CRMP1: variants seen among roughly 807,000 people sequenced by gnomAD.
The protein encoded by CRMP1 is collapsin response mediator protein 1.
Under a neutral mutation model 68.3 loss-of-function variants are expected in CRMP1, and 19 were observed. The observed-to-expected ratio is 0.28, with a 90% CI of 0.19 to 0.41. CRMP1 has a LOEUF of 0.41. CRMP1 is among the 10% of genes least tolerant of loss of function. The pLI is 1.00. For missense variants in CRMP1, 791 were observed against 967.4 expected, an observed-to-expected ratio of 0.82 and a Z score of 2.42; for synonymous variants, 439 against 399.6, an observed-to-expected ratio of 1.10 and a Z score of -1.18.
At chr4:5,868,273 A>ATATATC (rs1434577566) in intron 1 of CRMP1, among the ~76,000 whole-genome samples, 24 of 36,794 alleles carry the variant, frequency 6.5e-4, no homozygotes, top group African/African-American at 2.2e-3. Context: ...ATATATATAT[A>ATATATC]TATATATATA....
chr4:5,876,231 A>C (rs1714822072), intron 1 of CRMP1, among the ~76,000 whole-genome samples: 1 of 151,952 alleles, frequency 6.6e-6, no homozygotes, highest in African/African-American at 2.4e-5. Flanking sequence ...TATGTTTCCG[A>C]GTGGACATAG....
intron 1 of CRMP1, among the ~76,000 whole-genome samples, chr4:5,880,783 C>T (rs978754400): frequency 6.6e-6 from 1 of 152,196 alleles, no homozygotes; most frequent in Non-Finnish European, 1.5e-5. Flanking sequence ...ATGTTAAATC[C>T]ACAGACAGTG....
intron 8 of CRMP1, 148 bp from the exon 9 acceptor site, chr4:5,839,826 G>C: frequency 1.1e-6 from 1 of 950,838 alleles, no homozygotes; most frequent in Non-Finnish European, 1.5e-6. Context: ...ATCACCGCCT[G>C]CACCGCAGGG....
In CRMP1 at chr4:5,851,574, G is replaced by A. The variant is rs1712621901; in HGVS notation, c.821-105C>T. 6.2e-6 allele frequency: 7 copies of A among 1,137,922 alleles called. No homozygotes were observed. In the South Asian group the frequency reaches 7.6e-5, roughly 12 times the overall value. 70.5% of individuals were successfully genotyped at this position (1,137,922 alleles called of 1,614,324 possible). A position where few individuals can be genotyped will look rare whatever the true frequency, so the allele number is the denominator to read the frequency against. On this transcript the variant is annotated intron_variant, in intron 4 of 13. Transcript: ENST00000324989. Reference sequence around the variant, plus strand: ...GAGCAGAGTGGTAGTCGCCAGGAGAGATGAGTGCCATTGGGATCCCCAGTG... The same window carrying A: ...GAGCAGAGTGGTAGTCGCCAGGAGAAATGAGTGCCATTGGGATCCCCAGTG...
rs117280229 is a variant in CRMP1, at chr4:5,874,379, T to C, written c.382-7623A>G. Among the ~76,000 whole-genome samples, 72 of 152,336 alleles carry C rather than the reference T, an allele frequency of 4.7e-4. 1 individual carries two copies. Among genetic ancestry groups the C allele is most frequent in the African/African-American group, 1.6e-3 (65 of 41,584 alleles). ...TCAAAATGAAGTGGATCTGGAGTCA[T>C]TGGCTTCCCCTACGGAGACTTTGGG... On this transcript the variant is annotated intron_variant, in intron 1 of 13. Coordinates refer to ENST00000324989, the MANE Select transcript of CRMP1 (RefSeq NM_001014809.3).
rs1720910051 is a variant in CRMP1, at chr4:5,838,984, TG to T, written c.1310+537del. Among the ~76,000 whole-genome samples the T allele has an allele frequency of 6.6e-6, 1 of 152,148 alleles. No individual in the cohort carries two copies. The highest frequency in any genetic ancestry group is 1.5e-5 in the Non-Finnish European group (1 of 68,030). On this transcript the variant is annotated intron_variant, in intron 9 of 13. Coordinates refer to ENST00000324989, the MANE Select transcript of CRMP1 (RefSeq NM_001014809.3). This position sits in a 1 kb window ranked among gnomAD's most constrained non-coding sequence, Gnocchi z 4.9. ...ATTGCTAAGTGCTCTTCCCTCCTGG[TG>T]GCTAACAGAAGGGAAGGGGCTGAGG...
rs761254075 is a variant in CRMP1 at position 5,841,271 on chromosome 4, C to A, written c.1153+37G>T. ...CCTGCAGGACACCCCCTTCCAGGCC[C>A]CAGCTGCCCCCAGAAGGCCCAGGGC... On this transcript the variant is annotated intron_variant, in intron 8 of 13. Transcript: ENST00000324989. This position sits in a 1 kb window ranked among gnomAD's most constrained non-coding sequence, Gnocchi z 6.9. 2 of 1,613,648 alleles carry A rather than the reference C, an allele frequency of 1.2e-6. No individual in the cohort carries two copies. The highest frequency in any genetic ancestry group is 2.2e-5 in the East Asian group (1 of 44,846).
In CRMP1 at chr4:5,853,151, G is replaced by A. The variant is rs188419566; in HGVS notation, c.821-1682C>T. Among the ~76,000 whole-genome samples the A allele has an allele frequency of 1.4e-4, 22 of 152,330 alleles. No homozygotes were observed. The East Asian group carries it at 1.5e-3, about 11-fold the overall frequency. ...AACACAGGTGGGAGCAGTGGCTCAC[G>A]CCTGTAATCCCAGCAATTTGGGAGG... is the stretch of plus-strand genomic sequence containing the variant. On this transcript the variant is annotated intron_variant, in intron 4 of 13. Transcript: ENST00000324989. The surrounding 1 kb of genome is among the most constrained non-coding windows in gnomAD (Gnocchi z 4.7).
chr4:5,825,077 A>T lies in CRMP1; in HGVS notation c.1969+417T>A. ...AAAATCATGGGTTATGAAAGTGCTTAGTACACTGCAGTGGGTGAACAGGCT... is the reference window on the plus strand; with the variant it reads ...AAAATCATGGGTTATGAAAGTGCTTTGTACACTGCAGTGGGTGAACAGGCT... On this transcript the variant is annotated intron_variant, in intron 13 of 13. Coordinates refer to ENST00000324989, the MANE Select transcript of CRMP1 (RefSeq NM_001014809.3). The surrounding 1 kb of genome is among the most constrained non-coding windows in gnomAD (Gnocchi z 4.4). 1.0e-6 allele frequency: 1 copy of T among 985,428 alleles called. No individual in the cohort carries two copies. 61.0% of individuals were successfully genotyped at this position (985,428 alleles called of 1,614,324 possible).
intron 1 of CRMP1, among the ~76,000 whole-genome samples, chr4:5,871,943 C>T (rs1382782414): frequency 2.0e-5 from 3 of 152,166 alleles, no homozygotes; most frequent in Admixed American, 6.5e-5. Context: ...AGGTCTGATC[C>T]CACCTCGCAG....
rs1255905668 is a variant in CRMP1 at position 5,890,564 on chromosome 4, C to A, written c.381+2025G>T. On this transcript the variant is annotated intron_variant, in intron 1 of 13. Coordinates refer to ENST00000324989, the MANE Select transcript of CRMP1 (RefSeq NM_001014809.3). This position sits in a 1 kb window ranked among gnomAD's most constrained non-coding sequence, Gnocchi z 5.5. ...ACCCTCCCTCCGTGGAGATCGCGAG[C>A]CCCTGAGTTCCACAGTCGCGAAGCT... Among the ~76,000 whole-genome samples the A allele has an allele frequency of 2.0e-5, 3 of 151,622 alleles. No individual in the cohort carries two copies. The highest frequency in any genetic ancestry group is 7.3e-5 in the African/African-American group (3 of 41,272).
At position 5,860,797 on chromosome 4, in the gene CRMP1, A is replaced by T. The variant is rs1713494232; in HGVS notation, c.655+229T>A. On this transcript the variant is annotated intron_variant, in intron 3 of 13. Coordinates refer to ENST00000324989, the MANE Select transcript of CRMP1 (RefSeq NM_001014809.3). This position sits in a 1 kb window ranked among gnomAD's most constrained non-coding sequence, Gnocchi z 4.2. ...TCAATATTTTAAAAATAATTTTTTA[A>T]AATTGGTACCTATAAAACCGTATTG... is the stretch of plus-strand genomic sequence containing the variant. Among the ~76,000 whole-genome samples the T allele has an allele frequency of 6.6e-6, 1 of 152,298 alleles. No individual in the cohort carries two copies. The highest frequency in any genetic ancestry group is 3.4e-3 in the Middle Eastern group (1 of 294).
rs1718655414 is a variant in CRMP1, at chr4:5,821,945, G to A, written c.1970-94C>T. 7.3e-6 allele frequency: 7 copies of A among 964,114 alleles called. No individual in the cohort carries two copies. The highest frequency in any genetic ancestry group is 1.8e-5 in the South Asian group (1 of 57,128). The allele number at this position is 964,114 out of a possible 1,614,324, so 59.7% of individuals were successfully genotyped here. ...CATGTACTCTGCCATGCACTCCACT[G>A]GACCCACCTTCATTCAGGGCTCAGT... On this transcript the variant is annotated intron_variant, in intron 13 of 13. Transcript: ENST00000324989. This position sits in a 1 kb window ranked among gnomAD's most constrained non-coding sequence, Gnocchi z 4.4.
rs1577831502 is a variant in CRMP1 at position 5,872,334 on chromosome 4, G to C, written c.382-5578C>G. Among the ~76,000 whole-genome samples, 2 of 152,114 alleles carry C rather than the reference G, an allele frequency of 1.3e-5. No homozygotes were observed. The highest frequency in any genetic ancestry group is 4.8e-5 in the African/African-American group (2 of 41,424). ...GGTGCCGTCTATTGCCTCTCACGGG[G>C]TTACTGTGAGGGGAAAACAGCAGAT... On this transcript the variant is annotated intron_variant, in intron 1 of 13. Coordinates refer to ENST00000324989, the MANE Select transcript of CRMP1 (RefSeq NM_001014809.3). The surrounding 1 kb of genome is among the most constrained non-coding windows in gnomAD (Gnocchi z 4.6).
intron 6 of CRMP1, among the ~76,000 whole-genome samples, chr4:5,848,257 C>A (rs1712369377): frequency 6.6e-6 from 1 of 152,086 alleles, no homozygotes; most frequent in Non-Finnish European, 1.5e-5. Context: ...CAATTCTCTG[C>A]CTCAGCCTCA....
intron 11 of CRMP1, among the ~76,000 whole-genome samples, chr4:5,835,657 C>T (rs4285036): frequency 6.6e-6 from 1 of 152,056 alleles, no homozygotes; most frequent in African/African-American, 2.4e-5. Context: ...ACACATGCAT[C>T]CATGGGCAGG....
intron 1 of CRMP1, among the ~76,000 whole-genome samples, chr4:5,876,196 T>C (rs376898281): frequency 3.3e-5 from 5 of 152,194 alleles, no homozygotes; most frequent in African/African-American, 1.2e-4. Context: ...TCTTTTGGCC[T>C]TGCAGAGTCA....
intron 1 of CRMP1, among the ~76,000 whole-genome samples, chr4:5,886,548 C>T (rs1420234808): frequency 6.6e-6 from 1 of 152,252 alleles, no homozygotes; most frequent in Admixed American, 6.5e-5. Flanking sequence ...CAGACTGGGA[C>T]TGCACACTTT....
intron 1 of CRMP1, among the ~76,000 whole-genome samples, chr4:5,868,128 T>C (rs1008239729): frequency 6.6e-6 from 1 of 151,782 alleles, no homozygotes; most frequent in Admixed American, 6.6e-5. Flanking sequence ...ATATGGAGTG[T>C]TCCGGGCAGA....
Sources: allele counts gnomAD v4.1 joint callset (sites outside exome capture counted in the v4.1 genomes callset), GRCh38; gene constraint gnomAD v4.1.1; non-coding constraint Gnocchi (gnomAD v3.1); transcripts MANE v1.5; gene names NCBI Gene and HGNC (gene_info 2026-07-23, HGNC 2026-07-21).